OLA1: variants seen among roughly 807,000 people sequenced by gnomAD.
The protein encoded by OLA1 is Obg like ATPase 1, also known as obg-like ATPase 1.
In OLA1, 14 loss-of-function variants were observed where a neutral mutation model predicts 48.4. That is an observed-to-expected ratio of 0.29 (90% confidence interval 0.19 to 0.45). OLA1 has a LOEUF of 0.45. Ranked by LOEUF, OLA1 falls within the 20% of genes least tolerant of loss-of-function variation. The pLI, the probability that OLA1 is intolerant of heterozygous loss-of-function variation, is 1.00. For synonymous variants in OLA1, 127 were observed against 150.4 expected (o/e 0.84, Z 1.14); for missense variants, 325 against 467.1 (o/e 0.70, Z 2.80).
At chr2:174,103,399 T>G (rs1287489201) in intron 7 of OLA1, among the ~76,000 whole-genome samples, 1 of 152,176 alleles carries the variant, frequency 6.6e-6, no homozygotes, top group Non-Finnish European at 1.5e-5. Flanking sequence ...GTTTACACTA[T>G]TGTCTATGGC....
chr2:174,102,854 C>T (rs924132367), intron 7 of OLA1, among the ~76,000 whole-genome samples: 7 of 152,064 alleles, frequency 4.6e-5, no homozygotes, highest in African/African-American at 1.7e-4. Context: ...TATCAAGTTG[C>T]CTGTTTATTT....
intron 4 of OLA1, among the ~76,000 whole-genome samples, chr2:174,211,573 T>C (rs1314587669): frequency 6.6e-6 from 1 of 152,190 alleles, no homozygotes; most frequent in Non-Finnish European, 1.5e-5. Context: ...AAATTCCTCA[T>C]ATTTAAAAAT....
chr2:174,158,172 A>C (rs1686929943), intron 4 of OLA1, among the ~76,000 whole-genome samples: 1 of 152,310 alleles, frequency 6.6e-6, no homozygotes, highest in East Asian at 1.9e-4. Context: ...GTTAAGCTAG[A>C]GCTATCACCA....
intron 7 of OLA1, among the ~76,000 whole-genome samples, chr2:174,112,203 T>C (rs1478950433): frequency 1.3e-5 from 2 of 152,220 alleles, no homozygotes; most frequent in South Asian, 2.1e-4. Flanking sequence ...AGTGCTGAGA[T>C]ACTATGGCTT....
chr2:174,135,676 A>G (rs545569239), intron 5 of OLA1, among the ~76,000 whole-genome samples: 3 of 152,350 alleles, frequency 2.0e-5, no homozygotes, highest in African/African-American at 7.2e-5. Context: ...AGCCTTACCA[A>G]AAATTAGTAT....
At chr2:174,138,705 T>A (rs1460407245) in intron 5 of OLA1, among the ~76,000 whole-genome samples, 1 of 152,220 alleles carries the variant, frequency 6.6e-6, no homozygotes, top group African/African-American at 2.4e-5. Flanking sequence ...AAATGAAGTA[T>A]GCCTGTATGC....
chr2:174,233,136 C>A (rs183870605), intron 2 of OLA1, among the ~76,000 whole-genome samples: 2 of 152,188 alleles, frequency 1.3e-5, no homozygotes, highest in African/African-American at 4.8e-5. Flanking sequence ...CACTTATATT[C>A]ATATACTCAA....
Position 174,112,433 on chromosome 2 carries a change from G to A in OLA1, c.728+10747C>T, listed in dbSNP as rs114732636. 4.8e-3 allele frequency among the ~76,000 whole-genome samples: 728 copies of A among 152,242 alleles called. 8 individuals are homozygous for A. Among genetic ancestry groups the A allele is most frequent in the Admixed American group, 0.01 (155 of 15,288 alleles). On this transcript the variant is annotated intron_variant, in intron 7 of 10. Coordinates refer to ENST00000284719, the MANE Select transcript of OLA1 (RefSeq NM_013341.5). The stretch of plus-strand genomic sequence containing the variant: ...AAGTGTGAAGTGTTGACTGAATGAC[G>A]ACTACTACAAATACAACATTAGGCA...
chr2:174,113,990 C>A (rs1685716505), intron 7 of OLA1, among the ~76,000 whole-genome samples: 1 of 151,854 alleles, frequency 6.6e-6, no homozygotes, highest in Non-Finnish European at 1.5e-5. Flanking sequence ...AGGAACTCAA[C>A]AATAAATAAT....
intron 5 of OLA1, among the ~76,000 whole-genome samples, chr2:174,138,737 C>T (rs1232271879): frequency 1.3e-5 from 2 of 152,082 alleles, no homozygotes; most frequent in Non-Finnish European, 2.9e-5. Context: ...TTTCAATGTT[C>T]GTTAAAAACA....
Position 174,242,982 on chromosome 2 carries a change from G to A in OLA1, c.101+3733C>T, listed in dbSNP as rs190878165. ...TTCCAGCAGGCGTGAGCCACCACAC[G>A]GGGCAAGGAGACAGGCTTTTTTGTG... On this transcript the variant is annotated intron_variant, in intron 2 of 10. Coordinates refer to ENST00000284719, the MANE Select transcript of OLA1 (RefSeq NM_013341.5). Among the ~76,000 whole-genome samples the A allele has an allele frequency of 5.9e-5, 9 of 152,100 alleles. 1 individual carries two copies. In the East Asian group the frequency reaches 1.6e-3, roughly 26 times the overall value.
chr2:174,095,336 T>TG (rs1421812496), intron 7 of OLA1, among the ~76,000 whole-genome samples: 2 of 123,418 alleles, frequency 1.6e-5, no homozygotes, highest in Admixed American at 8.1e-5. Context: ...TTTTTTTTTT[T>TG]TTTTTTTTTT....
rs184145899 is a variant in OLA1 at position 174,248,117 on chromosome 2, A to T, written c.-1+335T>A. 3.4e-3 allele frequency: 644 copies of T among 190,176 alleles called. 1 individual carries two copies. Among genetic ancestry groups the T allele is most frequent in the Admixed American group, 4.9e-3 (89 of 18,130 alleles). 11.8% of individuals were successfully genotyped at this position (190,176 alleles called of 1,614,324 possible). A position where few individuals can be genotyped will look rare whatever the true frequency, so the allele number is the denominator to read the frequency against. On this transcript the variant is annotated intron_variant, in intron 1 of 10. Coordinates refer to ENST00000284719, the MANE Select transcript of OLA1 (RefSeq NM_013341.5). ...AGGCCTCCAAAGAACAGATACAGGA[A>T]CAGCGCCTGTCGGGTCCTCTGGCCT... is the stretch of plus-strand genomic sequence containing the variant.
At chr2:174,208,140 G>T (rs544948184) in intron 4 of OLA1, among the ~76,000 whole-genome samples, 2 of 152,270 alleles carry the variant, frequency 1.3e-5, no homozygotes, top group African/African-American at 4.8e-5. Flanking sequence ...ACTGCTGGGA[G>T]AAGGATGCGT....
In OLA1 at chr2:174,248,508, C is replaced by T; in HGVS notation, c.-57G>A. On this transcript the variant is annotated 5_prime_UTR_variant, in exon 1 of 11. Transcript: ENST00000284719. ...CAGCGGCAGCGAGAGAAAGGTCCTG[C>T]CGGCAGCTGGAGGCGGGGAGGAAGG... 6.0e-6 allele frequency: 1 copy of T among 166,030 alleles called. No individual in the cohort carries two copies. 10.3% of individuals were successfully genotyped at this position (166,030 alleles called of 1,614,324 possible).
At chr2:174,129,173 A>G (rs562395842) in intron 5 of OLA1, among the ~76,000 whole-genome samples, 7 of 152,298 alleles carry the variant, frequency 4.6e-5, no homozygotes, top group African/African-American at 1.7e-4. Flanking sequence ...AATAATATTT[A>G]TGGAGCTGGG....
chr2:174,195,023 T>C (rs1361911801), intron 4 of OLA1, among the ~76,000 whole-genome samples: 2 of 152,162 alleles, frequency 1.3e-5, no homozygotes, highest in Non-Finnish European at 2.9e-5. Context: ...CGATATGGTC[T>C]GCAGTTTCAG....
chr2:174,168,098 G>A (rs903817079), intron 4 of OLA1, among the ~76,000 whole-genome samples: 13 of 152,182 alleles, frequency 8.5e-5, no homozygotes, highest in African/African-American at 2.2e-4. Flanking sequence ...CTTTTAGCTC[G>A]CAACCAAGTG....
intron 4 of OLA1, chr2:174,172,356 C>A (rs1045283795): frequency 4.7e-4 from 41 of 87,154 alleles, no homozygotes; most frequent in African/African-American, 1.8e-3. Context: ...AAAGAGTGCT[C>A]CCGAAGGCCA....
Sources: gnomAD v4.1 joint callset for allele counts (sites outside exome capture counted in the v4.1 genomes callset) on GRCh38, gnomAD v4.1.1 for gene constraint, MANE v1.5 for transcripts, NCBI Gene and HGNC (gene_info 2026-07-23, HGNC 2026-07-21) for gene names.